The following CACTIN variants were observed in gnomAD, a reference collection of about 807,000 sequenced individuals.
The protein encoded by CACTIN is splicing factor Cactin.
A neutral mutation model predicts 84.9 loss-of-function variants in CACTIN; 20 were observed. That is an observed-to-expected ratio of 0.24 (90% CI 0.17 to 0.34). The LOEUF is 0.34. Among genes scored for constraint, CACTIN ranks in the 10% least tolerant of loss-of-function variants. The probability of loss-of-function intolerance (pLI) is 1.00; values close to 1 mark genes in which losing one functional copy is unlikely to be tolerated. For missense variants in CACTIN, 897 were observed against 1,117.2 expected (o/e 0.80, Z 2.81); for synonymous variants, 549 against 467.9 (o/e 1.17, Z -2.24).
intron 2 of CACTIN, 48 bp from the exon 3 acceptor site, chr19:3,620,850 C>A: frequency 6.8e-7 from 1 of 1,464,404 alleles, no homozygotes; most frequent in Non-Finnish European, 9.5e-7. Flanking sequence ...CGCCCCCTCG[C>A]CCCCCTCCTC....
In CACTIN at chr19:3,626,612, G is replaced by A; in HGVS notation, c.151C>T (p.Arg51Trp). 1.3e-6 allele frequency: 2 copies of A among 1,507,086 alleles called. No individual in the cohort carries two copies. Among genetic ancestry groups the A allele is most frequent in the Non-Finnish European group, 8.8e-7 (1 of 1,135,314 alleles). The allele number at this position is 1,507,086 out of a possible 1,614,324, so 93.4% of individuals were successfully genotyped here. A position where few individuals can be genotyped will look rare whatever the true frequency, so the allele number is the denominator to read the frequency against. ...CGACCCCACCTGCGCTCCCGGCTCC[G>A]CCGCCTCCGTCTGCGCCGTCCCTCG... The part of the protein sequence containing the change: ...EDEGRRRRRR[R>W]SRERRSDSEE... Residue 51 changes from arginine (R) to tryptophan (W), a missense_variant, in exon 1 of 10, where the codon CGG becomes TGG. Physicochemically the swap from Arg to Trp is moderately radical, Grantham distance 101. Around this residue, in one of 8 missense-constraint regions of CACTIN, gnomAD observed 261 missense variants for 243.8 expected, o/e 1.07. Transcript: ENST00000429344.
chr19:3,614,618 G>A (rs778118014), intron 6 of CACTIN, 29 bp from the exon 7 acceptor site: 18 of 1,563,960 alleles, frequency 1.2e-5, no homozygotes, highest in Middle Eastern at 1.7e-4. Context: ...ATGGGGGGGC[G>A]GTTCCACATT....
At chr19:3,619,958 G>A (rs1263844834) in intron 4 of CACTIN, among the ~76,000 whole-genome samples, 169 bp downstream of exon 4, 2 of 152,158 alleles carry the variant, frequency 1.3e-5, no homozygotes, top group Non-Finnish European at 2.9e-5. Flanking sequence ...CAGCAGGGGA[G>A]GGCAGGAGAC....
intron 2 of CACTIN, 106 bp downstream of exon 2, chr19:3,623,582 C>T: frequency 9.6e-7 from 1 of 1,036,478 alleles, no homozygotes; most frequent in Non-Finnish European, 1.4e-6. Flanking sequence ...TGTGTAAAAC[C>T]AACTCTTGCA....
Position 3,623,863 on chromosome 19 carries a change from AGCTCCTCCTGCTGCTTCC to A in CACTIN, c.449_466del (p.Arg150_Glu155del). 1 of 1,610,312 alleles carries A rather than the reference AGCTCCTCCTGCTGCTTCC, an allele frequency of 6.2e-7. No individual in the cohort carries two copies. The highest frequency in any genetic ancestry group is 8.5e-7 in the Non-Finnish European group (1 of 1,179,852). On this transcript the variant is annotated inframe_deletion, in exon 2 of 10. Transcript: ENST00000429344. ...CTCGGGCGTCTCGAAGGCCTTCATC[AGCTCCTCCTGCTGCTTCC>A]GCTCCTCCCGCAGCCGCAGCCGCTC... is the stretch of plus-strand genomic sequence containing the variant.
chr19:3,617,537 C>CG (rs2033128896), intron 6 of CACTIN, among the ~76,000 whole-genome samples: 1 of 152,016 alleles, frequency 6.6e-6, no homozygotes, highest in African/African-American at 2.4e-5. Context: ...TGGGAGAGGC[C>CG]GGGGCCTAGG....
rs572876998 is a variant in CACTIN at position 3,623,940 on chromosome 19, G to A, written c.390C>T (p.Ala130=). ...SPGRSQSPRA[A]AAALSQQQSL... ...TCTGCTGCTGGCTCAGGGCAGCCGC[G>A]GCCGCCCGGGGGCTCTGGGATCGCC... The change falls in exon 2 of 10, where the codon GCC becomes GCT. Residue 130 remains alanine, a synonymous_variant. Transcript: ENST00000429344. The A allele has an allele frequency of 3.5e-5, 56 of 1,603,040 alleles. No individual in the cohort carries two copies. The highest frequency in any genetic ancestry group is 1.5e-4 in the South Asian group (14 of 90,888).
At position 3,611,874 on chromosome 19, in the gene CACTIN, C is replaced by T. The variant is rs561414716; in HGVS notation, c.*49G>A. On this transcript the variant is annotated 3_prime_UTR_variant, in exon 10 of 10. Coordinates refer to ENST00000429344, the MANE Select transcript of CACTIN (RefSeq NM_001080543.2). ...GGAGTGACCACCAGCTTCACCGAAG[C>T]CCCTTTACTGTGCCCCCGAGGACAC... The T allele has an allele frequency of 6.9e-6, 11 of 1,597,656 alleles. No individual in the cohort carries two copies. In the South Asian group the frequency reaches 9.0e-5, roughly 13 times the overall value.
At chr19:3,614,272 C>A in intron 7 of CACTIN, 125 bp downstream of exon 7, 1 of 1,019,594 alleles carries the variant, frequency 9.8e-7, no homozygotes, top group Non-Finnish European at 1.4e-6. Context: ...TCGGCACTTT[C>A]CTGCCCCTCT....
At position 3,611,680 on chromosome 19, in the gene CACTIN, C is replaced by G. The variant is rs555032078; in HGVS notation, c.*243G>C. On this transcript the variant is annotated 3_prime_UTR_variant, in exon 10 of 10. Coordinates refer to ENST00000429344, the MANE Select transcript of CACTIN (RefSeq NM_001080543.2). Reference sequence around the variant, plus strand: ...CGAAAGATGCCCCTAGCGCCCCCTCCGTTGCATCAGGACCCTAGGCCAGCC... The same window carrying G: ...CGAAAGATGCCCCTAGCGCCCCCTCGGTTGCATCAGGACCCTAGGCCAGCC... The G allele has an allele frequency of 1.8e-6, 1 of 566,352 alleles. No homozygotes were observed. The highest frequency in any genetic ancestry group is 3.2e-5 in the East Asian group (1 of 31,316). The allele number at this position is 566,352 out of a possible 1,614,324, so 35.1% of individuals were successfully genotyped here.
At chr19:3,613,823 C>CT (rs1267188396) in intron 7 of CACTIN, 7 of 567,360 alleles carry the variant, frequency 1.2e-5, no homozygotes, top group African/African-American at 1.1e-4. Context: ...AGGTGGGTCT[C>CT]TGTCTCACGC....
At position 3,614,449 on chromosome 19, in the gene CACTIN, C is replaced by T; in HGVS notation, c.1303G>A (p.Gly435Ser). 6.3e-7 allele frequency: 1 copy of T among 1,595,892 alleles called. No homozygotes were observed. The highest frequency in any genetic ancestry group is 8.5e-7 in the Non-Finnish European group (1 of 1,171,378). Reference sequence around the variant, plus strand: ...TGCTGCAGGAGGCTCTCCCAGTAGCCCATGTCCAGGTTGGGGCCACCAGCG... The same window carrying T: ...TGCTGCAGGAGGCTCTCCCAGTAGCTCATGTCCAGGTTGGGGCCACCAGCG... ...IRAGGPNLDM[G>S]YWESLLQQLR... The change falls in exon 7 of 10, where the codon GGC (glycine) becomes AGC (serine). Residue 435 changes from glycine to serine, a missense_variant. This residue lies in a region of CACTIN where 304 missense variants were observed against 444.3 expected (regional missense o/e 0.68). Coordinates refer to ENST00000429344, the MANE Select transcript of CACTIN (RefSeq NM_001080543.2).
chr19:3,614,260 A>G lies in CACTIN; in HGVS notation c.1355+137T>C. ...CGTCACTCACAGGCTGGCCCCGGCC[A>G]GTCGGCACTTTCCTGCCCCTCTCCA... On this transcript the variant is annotated intron_variant, in intron 7 of 9. Transcript: ENST00000429344. The G allele has an allele frequency of 6.7e-6, 6 of 897,282 alleles. No individual in the cohort carries two copies. In the Admixed American group the frequency reaches 1.3e-4, roughly 19 times the overall value. 55.6% of individuals were successfully genotyped at this position (897,282 alleles called of 1,614,324 possible).
rs759952507 is a variant in CACTIN, at chr19:3,620,792, T to C, written c.653A>G (p.Lys218Arg). The C allele has an allele frequency of 6.2e-7, 1 of 1,613,182 alleles. No homozygotes were observed. The highest frequency in any genetic ancestry group is 1.1e-5 in the South Asian group (1 of 91,078). Residue 218 changes from lysine (K) to arginine (R), a missense_variant, in exon 3 of 10, where the codon AAG becomes AGG. By Grantham distance (26) the Lys-to-Arg change is conservative. Transcript: ENST00000429344. ...GTFIWNKALE[K>R]KGISHLEEKE... The stretch of plus-strand genomic sequence containing the variant: ...CTCCTCCAGGTGGCTGATCCCCTTC[T>C]TCTCCAGGGCCTGGAAGCACCAGGC...
At position 3,611,337 on chromosome 19, in the gene CACTIN, G is replaced by A. The variant is rs765625732; in HGVS notation, c.*586C>T. On this transcript the variant is annotated 3_prime_UTR_variant, in exon 10 of 10. Transcript: ENST00000429344. ...TCTCTTCTGCAGTGGCGGATCGGGCGCCAGCAGGGTCCCGGCCTCAGTGCT... is the reference window on the plus strand; with the variant it reads ...TCTCTTCTGCAGTGGCGGATCGGGCACCAGCAGGGTCCCGGCCTCAGTGCT... 9 of 453,838 alleles carry A rather than the reference G, an allele frequency of 2.0e-5. No homozygotes were observed. Among genetic ancestry groups the A allele is most frequent in the Non-Finnish European group, 3.1e-5 (7 of 226,458 alleles). The allele number at this position is 453,838 out of a possible 1,614,324, so 28.1% of individuals were successfully genotyped here.
At chr19:3,625,477 C>T (rs1260056053) in intron 1 of CACTIN, among the ~76,000 whole-genome samples, 1 of 152,188 alleles carries the variant, frequency 6.6e-6, no homozygotes, top group African/African-American at 2.4e-5. Context: ...CGCCTGTAAT[C>T]CCAGCACTTT....
chr19:3,620,929 C>T (rs1343349723), intron 2 of CACTIN, 127 bp from the exon 3 acceptor site: 8 of 734,386 alleles, frequency 1.1e-5, no homozygotes, highest in African/African-American at 3.5e-5. Flanking sequence ...CAGCACTGCA[C>T]GTCTTCCACC....
chr19:3,623,201 C>T (rs955722121), intron 2 of CACTIN, among the ~76,000 whole-genome samples: 1 of 152,162 alleles, frequency 6.6e-6, no homozygotes, highest in African/African-American at 2.4e-5. Context: ...CGCCACTGCA[C>T]TCCAGCCTGG....
chr19:3,618,832 C>T, intron 6 of CACTIN, 43 bp downstream of exon 6: 1 of 1,430,256 alleles, frequency 7.0e-7, no homozygotes, highest in Non-Finnish European at 9.6e-7. Flanking sequence ...AACACTGTAG[C>T]CCCCGCAGCT....
Sources: gnomAD v4.1 joint callset for allele counts (sites outside exome capture counted in the v4.1 genomes callset) on GRCh38, gnomAD v4.1.1 for gene constraint, gnomAD v4.1.1 regional missense constraint, MANE v1.5 for transcripts, NCBI Gene and HGNC (gene_info 2026-07-23, HGNC 2026-07-21) for gene names.